RP1: variants seen among roughly 807,000 people sequenced by gnomAD.
RP1 encodes the protein RP1 axonemal microtubule associated, also known as oxygen-regulated protein 1.
Under a neutral mutation model 14.8 loss-of-function variants are expected in RP1, and 16 were observed. The observed-to-expected ratio is 1.08, with a 90% CI of 0.73 to 1.65. RP1 has a LOEUF of 1.65. Ranked by LOEUF, RP1 falls within the 40% of genes most tolerant of loss-of-function variation. The pLI, the probability that RP1 is intolerant of heterozygous loss-of-function variation, is 0.00. For synonymous variants in RP1, 876 were observed against 883.6 expected (o/e 0.99, Z 0.15); for missense variants, 2,631 against 2,535.0 (o/e 1.04, Z -0.81).
chr8:54,652,703 T>G, intron 4 of RP1: 1 of 943,772 alleles, frequency 1.1e-6, no homozygotes, highest in Non-Finnish European at 1.6e-6. Context: ...TTATCAACAT[T>G]TCATGTCCTA....
downstream of RP1, among the ~76,000 whole-genome samples, chr8:54,632,523 G>A (rs548726826): frequency 4.6e-5 from 7 of 152,290 alleles, 1 homozygote; most frequent in South Asian, 1.2e-3. Context: ...CTTGGTACAT[G>A]GTAAGTACCT....
chr8:54,638,124 G>A (rs989435708), intron 3 of RP1, among the ~76,000 whole-genome samples: 1 of 152,098 alleles, frequency 6.6e-6, no homozygotes, highest in Admixed American at 6.5e-5. Context: ...CTCAGTTTAG[G>A]TGGAGAAAAT....
At chr8:54,701,466 T>C in intron 13 of RP1, 1 of 1,493,464 alleles carries the variant, frequency 6.7e-7, no homozygotes. Context: ...TTTAGAGGGT[T>C]TTTTTGTTTT....
chr8:54,850,499 G>T (rs1156611433), intron 25 of RP1, among the ~76,000 whole-genome samples: 6 of 152,114 alleles, frequency 3.9e-5, no homozygotes, highest in Non-Finnish European at 7.4e-5. Flanking sequence ...GTTAGCTAGG[G>T]CATATGGCCC....
chr8:54,663,063 A>G (rs1205666746), intron 6 of RP1, among the ~76,000 whole-genome samples: 1 of 152,176 alleles, frequency 6.6e-6, no homozygotes, highest in Non-Finnish European at 1.5e-5. Flanking sequence ...ATTTTAAGTT[A>G]TGTCCCATTC....
At chr8:54,828,881 TC>T (rs1811451656) in intron 24 of RP1, among the ~76,000 whole-genome samples, 2 of 120,410 alleles carry the variant, frequency 1.7e-5, no homozygotes, top group Admixed American at 9.0e-5. Flanking sequence ...TTCTTCTTCT[TC>T]TTTTTTTTTT....
chr8:54,677,841 C>T (rs1477131966), intron 8 of RP1, among the ~76,000 whole-genome samples: 1 of 152,052 alleles, frequency 6.6e-6, no homozygotes, highest in East Asian at 1.9e-4. Flanking sequence ...TTGAGCTGGA[C>T]CTTTGCATAG....
chr8:54,694,343 T>C (rs1183978804), intron 12 of RP1, among the ~76,000 whole-genome samples: 1 of 152,200 alleles, frequency 6.6e-6, no homozygotes, highest in Non-Finnish European at 1.5e-5. Flanking sequence ...TAAAATGAGT[T>C]AGGGAAGATT....
intron 8 of RP1, among the ~76,000 whole-genome samples, chr8:54,677,637 A>T (rs954739793): frequency 6.6e-6 from 1 of 152,128 alleles, no homozygotes; most frequent in Non-Finnish European, 1.5e-5. Context: ...TGAGGCTGGA[A>T]GATTGCTTGA....
At chr8:54,794,410 C>T (rs998047679) in intron 24 of RP1, among the ~76,000 whole-genome samples, 19 of 111,986 alleles carry the variant, frequency 1.7e-4, no homozygotes, top group Admixed American at 3.4e-4. Context: ...CAGAAATAAA[C>T]GCATGCATAT....
At chr8:54,676,634 C>G (rs1366464074) in intron 8 of RP1, among the ~76,000 whole-genome samples, 1 of 152,210 alleles carries the variant, frequency 6.6e-6, no homozygotes, top group South Asian at 2.1e-4. Flanking sequence ...CCTGCAGGAA[C>G]AGCCTAGCTT....
At chr8:54,748,983 C>A (rs1809294740) in intron 19 of RP1, among the ~76,000 whole-genome samples, 1 of 152,034 alleles carries the variant, frequency 6.6e-6, no homozygotes, top group African/African-American at 2.4e-5. Flanking sequence ...GTTCAGTAGA[C>A]AAATGGCCAC....
intron 5 of RP1, among the ~76,000 whole-genome samples, chr8:54,655,327 A>G (rs527520890): frequency 6.6e-6 from 1 of 152,348 alleles, no homozygotes; most frequent in South Asian, 2.1e-4. Context: ...ATAGTACTCT[A>G]TTCAGAAAAG....
chr8:54,642,440 T>A (rs1267620014), intron 3 of RP1, among the ~76,000 whole-genome samples: 1 of 152,166 alleles, frequency 6.6e-6, no homozygotes, highest in East Asian at 1.9e-4. Context: ...TATAAAGGTA[T>A]CTTAAGGCGT....
chr8:54,638,381 T>C (rs1806391244), intron 3 of RP1, among the ~76,000 whole-genome samples: 1 of 148,196 alleles, frequency 6.7e-6, no homozygotes, highest in Non-Finnish European at 1.5e-5. Flanking sequence ...GAGGTTGCAG[T>C]GAGCCGAGAT....
intron 24 of RP1, among the ~76,000 whole-genome samples, chr8:54,832,600 T>A (rs938074460): frequency 1.3e-5 from 2 of 151,994 alleles, no homozygotes; most frequent in African/African-American, 4.8e-5. Context: ...TCCATGTTAT[T>A]TGCAGGTGTA....
intron 4 of RP1, among the ~76,000 whole-genome samples, chr8:54,649,804 T>A (rs77812121): frequency 6.6e-6 from 1 of 152,180 alleles, no homozygotes; most frequent in African/African-American, 2.4e-5. Flanking sequence ...CCTTAAGTAT[T>A]GCAAGTCTTC....
At chr8:54,737,846 T>C (rs780253055) in intron 18 of RP1, among the ~76,000 whole-genome samples, 1 of 152,176 alleles carries the variant, frequency 6.6e-6, no homozygotes, top group Non-Finnish European at 1.5e-5. Context: ...AGTCCATAGG[T>C]AGGCAATGTC....
intron 7 of RP1, among the ~76,000 whole-genome samples, chr8:54,668,452 A>C (rs1332554852): frequency 6.6e-6 from 1 of 152,194 alleles, no homozygotes; most frequent in Non-Finnish European, 1.5e-5. Context: ...CATACTGCCC[A>C]AGGTAATTTA....
Sources: gnomAD v4.1 joint callset for allele counts (sites outside exome capture counted in the v4.1 genomes callset) on GRCh38, gnomAD v4.1.1 for gene constraint, MANE v1.5 for transcripts, NCBI Gene and HGNC (gene_info 2026-07-23, HGNC 2026-07-21) for gene names.